BNC2: variants seen among roughly 807,000 people sequenced by gnomAD.
BNC2 encodes basonuclin zinc finger protein 2.
In BNC2, 20 loss-of-function variants were observed where a neutral mutation model predicts 76.3. The observed-to-expected ratio is 0.26, with a 90% confidence interval of 0.18 to 0.38. The LOEUF is 0.38. Ranked by LOEUF, BNC2 falls within the 10% of genes least tolerant of loss-of-function variation. The pLI, the probability that BNC2 is intolerant of heterozygous loss-of-function variation, is 1.00. For missense variants in BNC2, 1,382 were observed against 1,399.8 expected, an observed-to-expected ratio of 0.99 and a Z score of 0.20; for synonymous variants, 582 against 514.8, an observed-to-expected ratio of 1.13 and a Z score of -1.77.
At position 16,435,005 on chromosome 9, in the gene BNC2, G is replaced by A. The variant is rs745828413; in HGVS notation, c.2639+550C>T. The A allele has an allele frequency of 1.7e-5, 8 of 471,162 alleles. 1 individual carries two copies. Among genetic ancestry groups the A allele is most frequent in the South Asian group, 1.2e-4 (8 of 64,564 alleles). 29.2% of individuals were successfully genotyped at this position (471,162 alleles called of 1,614,324 possible). A position where few individuals can be genotyped will look rare whatever the true frequency, so the allele number is the denominator to read the frequency against. ...ATTCAAGGACACACTAAATACTCAT[G>A]TAAGGAATGATAACATTACTGGTTA... On this transcript the variant is annotated intron_variant, in intron 6 of 6. Coordinates refer to ENST00000380672, the MANE Select transcript of BNC2 (RefSeq NM_017637.6).
At chr9:16,673,139 T>C (rs1028697903) in intron 3 of BNC2, among the ~76,000 whole-genome samples, 4 of 152,186 alleles carry the variant, frequency 2.6e-5, no homozygotes, top group African/African-American at 4.8e-5. Flanking sequence ...TGCTTGCATG[T>C]ATTAGACATA....
chr9:16,589,601 A>G (rs201994350), intron 3 of BNC2, among the ~76,000 whole-genome samples: 1 of 151,386 alleles, frequency 6.6e-6, no homozygotes, highest in Non-Finnish European at 1.5e-5. Flanking sequence ...CTCCGCCTCC[A>G]GGGTTCAAGT....
At chr9:16,611,710 G>C (rs1431361163) in intron 3 of BNC2, among the ~76,000 whole-genome samples, 5 of 152,148 alleles carry the variant, frequency 3.3e-5, no homozygotes, top group African/African-American at 1.2e-4. Context: ...TGTAAGACCA[G>C]CTTGTAAGGC....
intron 1 of BNC2, among the ~76,000 whole-genome samples, chr9:16,771,084 G>A (rs558895449): frequency 1.7e-4 from 26 of 152,144 alleles, no homozygotes; most frequent in African/African-American, 6.0e-4. Flanking sequence ...CACAAGAATC[G>A]CTTGAACCCA....
At chr9:16,843,766 G>C (rs1213415618) in intron 1 of BNC2, among the ~76,000 whole-genome samples, 1 of 152,160 alleles carries the variant, frequency 6.6e-6, no homozygotes, top group Non-Finnish European at 1.5e-5. Flanking sequence ...AAGAGGTTTA[G>C]GTACTACGCT....
chr9:16,747,135 C>T (rs547381563), intron 1 of BNC2, among the ~76,000 whole-genome samples: 1 of 152,136 alleles, frequency 6.6e-6, no homozygotes, highest in East Asian at 1.9e-4. Flanking sequence ...CAAGCACAAC[C>T]ACTGCTTGAG....
intron 3 of BNC2, among the ~76,000 whole-genome samples, chr9:16,637,557 G>A (rs529772117): frequency 5.6e-4 from 85 of 152,288 alleles, no homozygotes; most frequent in African/African-American, 1.8e-3. Context: ...GCTTTATCAT[G>A]CTAATTCCAA....
intron 6 of BNC2, among the ~76,000 whole-genome samples, chr9:16,432,447 T>A (rs1820926177): frequency 6.6e-6 from 1 of 152,204 alleles, no homozygotes; most frequent in Non-Finnish European, 1.5e-5. Flanking sequence ...CTTACTAACA[T>A]GCCTATCTGG....
At chr9:16,423,453 T>A (rs754055582) in intron 6 of BNC2, among the ~76,000 whole-genome samples, 29 of 152,168 alleles carry the variant, frequency 1.9e-4, no homozygotes, top group Non-Finnish European at 2.8e-4. Flanking sequence ...TGGTAATCAT[T>A]AAGGCAGTGG....
At chr9:16,566,594 A>G (rs1324877014) in intron 4 of BNC2, among the ~76,000 whole-genome samples, 1 of 152,204 alleles carries the variant, frequency 6.6e-6, no homozygotes, top group Non-Finnish European at 1.5e-5. Flanking sequence ...GAAGTCTAAT[A>G]TGGTTAAGAA....
intron 6 of BNC2, among the ~76,000 whole-genome samples, chr9:16,429,106 G>C (rs948318105): frequency 6.6e-6 from 1 of 152,042 alleles, no homozygotes; most frequent in African/African-American, 2.4e-5. Flanking sequence ...TTTATTTGAA[G>C]CTTGTGGGAG....
chr9:16,738,759 T>A (rs1467986589), intron 1 of BNC2, among the ~76,000 whole-genome samples: 1 of 152,140 alleles, frequency 6.6e-6, no homozygotes, highest in Admixed American at 6.5e-5. Context: ...TACTCCCTTT[T>A]CTTCCACTTA....
intron 2 of BNC2, among the ~76,000 whole-genome samples, chr9:16,731,525 G>A (rs775955101): frequency 6.6e-5 from 10 of 152,140 alleles, no homozygotes; most frequent in Non-Finnish European, 1.2e-4. Context: ...AAATAGATTG[G>A]AGAACTGAAG....
chr9:16,822,774 T>G (rs185286232), intron 1 of BNC2, among the ~76,000 whole-genome samples: 1 of 152,352 alleles, frequency 6.6e-6, no homozygotes, highest in East Asian at 1.9e-4. Flanking sequence ...GAAACTATTG[T>G]AGTTCAGAAA....
At position 16,635,287 on chromosome 9, in the gene BNC2, T is replaced by C. The variant is rs185873183; in HGVS notation, c.331-52202A>G. Among the ~76,000 whole-genome samples, 552 of 152,336 alleles carry C rather than the reference T, an allele frequency of 3.6e-3. 4 individuals are homozygous for C. The highest frequency in any genetic ancestry group is 0.012 in the African/African-American group (514 of 41,580). ...AATTATCTTGATTCAGAAATTACTC[T>C]GAACACTAGTAGGTTAACAGTGCTC... On this transcript the variant is annotated intron_variant, in intron 3 of 6. Transcript: ENST00000380672.
chr9:16,517,038 C>G (rs1342973630), intron 5 of BNC2, among the ~76,000 whole-genome samples: 2 of 152,146 alleles, frequency 1.3e-5, no homozygotes, highest in African/African-American at 4.8e-5. Context: ...CCAGACGAAG[C>G]CAAAAAGTTT....
chr9:16,500,633 G>C (rs948322663), intron 5 of BNC2, among the ~76,000 whole-genome samples: 8 of 152,162 alleles, frequency 5.3e-5, no homozygotes, highest in African/African-American at 1.7e-4. Flanking sequence ...ATATGCGCTT[G>C]CAAATTTTGG....
chr9:16,612,914 G>A (rs1033441401), intron 3 of BNC2, among the ~76,000 whole-genome samples: 1 of 152,126 alleles, frequency 6.6e-6, no homozygotes, highest in African/African-American at 2.4e-5. Context: ...CTAGCTCAGT[G>A]CTGGACCATC....
intron 5 of BNC2, among the ~76,000 whole-genome samples, chr9:16,474,497 G>A (rs1821889764): frequency 6.6e-6 from 1 of 152,132 alleles, no homozygotes; most frequent in African/African-American, 2.4e-5. Flanking sequence ...GTGACAAAGA[G>A]GAGAGCATGG....
Sources: gnomAD v4.1 joint callset for allele counts (sites outside exome capture counted in the v4.1 genomes callset) on GRCh38, gnomAD v4.1.1 for gene constraint, MANE v1.5 for transcripts, NCBI Gene and HGNC (gene_info 2026-07-23, HGNC 2026-07-21) for gene names.